Variants in IL1RAPL1 observed in about 807,000 individuals in gnomAD.
The protein encoded by IL1RAPL1 is interleukin 1 receptor accessory protein like 1.
Under a neutral mutation model 48.4 loss-of-function variants are expected in IL1RAPL1, and 3 were observed. The ratio of observed to expected loss-of-function variants is 0.06; its 90% CI spans 0.03 to 0.16. The LOEUF is 0.16. IL1RAPL1 is among the 10% of genes least tolerant of loss of function. The pLI is 1.00. For missense variants in IL1RAPL1, 349 were observed against 530.6 expected (o/e 0.66, Z 3.36); for synonymous variants, 185 against 187.7 (o/e 0.99, Z 0.12).
chrX:28,922,762 A>G (rs1382347495), intron 2 of IL1RAPL1, among the ~76,000 whole-genome samples: 6 of 111,953 alleles, frequency 5.4e-5, no homozygotes, highest in Admixed American at 9.5e-5. Flanking sequence ...CAAAATTGAC[A>G]TTATCTACTA....
chrX:28,715,569 TA>T lies in IL1RAPL1; in HGVS notation c.-24-73750del, dbSNP rs1259221657. Among the ~76,000 whole-genome samples, 27 of 111,472 alleles carry T rather than the reference TA, an allele frequency of 2.4e-4. 1 individual carries two copies. The highest frequency in any genetic ancestry group is 1.8e-3 in the Admixed American group (19 of 10,457). On this transcript the variant is annotated intron_variant, in intron 1 of 10. Transcript: ENST00000378993. ...TACAAATACCTCTATGAACATAAAC[TA>T]GAAAATCTAGAAGAAAGGGATAAAT...
intron 6 of IL1RAPL1, among the ~76,000 whole-genome samples, chrX:29,792,368 A>T (rs1276397328): frequency 2.7e-5 from 3 of 111,821 alleles, no homozygotes; most frequent in African/African-American, 9.8e-5. Context: ...TTTAAATTAA[A>T]CAACAGAAAT....
intron 2 of IL1RAPL1, among the ~76,000 whole-genome samples, chrX:29,021,596 G>T (rs184705848): frequency 5.5e-4 from 62 of 111,992 alleles, no homozygotes; most frequent in Non-Finnish European, 1.0e-3. Context: ...ATTTCTACTA[G>T]AATTTTTGTC....
chrX:29,745,534 C>T (rs1259944280), intron 6 of IL1RAPL1, among the ~76,000 whole-genome samples: 1 of 101,060 alleles, frequency 9.9e-6, no homozygotes, highest in Non-Finnish European at 2.0e-5. Context: ...GCAACCTCCA[C>T]CTCCTGGGTT....
chrX:29,191,056 A>G (rs192180548), intron 2 of IL1RAPL1, among the ~76,000 whole-genome samples: 1 of 111,614 alleles, frequency 9.0e-6, no homozygotes, highest in Admixed American at 9.6e-5. Flanking sequence ...AATAGATTGT[A>G]TATAGTTAAG....
intron 5 of IL1RAPL1, among the ~76,000 whole-genome samples, chrX:29,617,384 AAGTG>A (rs10591051): frequency 0.075 from 8,441 of 112,163 alleles, 277 homozygotes; most frequent in Middle Eastern, 0.18. Context: ...GAGGAAACAT[AAGTG>A]AGTAACTTCA....
intron 1 of IL1RAPL1, among the ~76,000 whole-genome samples, chrX:28,696,772 T>C (rs1242196118): frequency 9.0e-6 from 1 of 111,496 alleles, no homozygotes; most frequent in Non-Finnish European, 1.9e-5. Flanking sequence ...CAGACATAGC[T>C]CTGTTTTCTT....
intron 2 of IL1RAPL1, among the ~76,000 whole-genome samples, chrX:29,065,066 A>G (rs1404740774): frequency 9.0e-6 from 1 of 111,639 alleles, no homozygotes; most frequent in Non-Finnish European, 1.9e-5. Context: ...TATGTAATAC[A>G]TAAGTTATAG....
intron 1 of IL1RAPL1, among the ~76,000 whole-genome samples, chrX:28,715,825 A>G (rs1935497744): frequency 8.9e-6 from 1 of 111,824 alleles, no homozygotes. Context: ...TCCCTAACTC[A>G]TTCTATGAGA....
intron 1 of IL1RAPL1, among the ~76,000 whole-genome samples, chrX:28,746,006 C>G (rs181271148): frequency 4.2e-4 from 47 of 111,233 alleles, no homozygotes; most frequent in Non-Finnish European, 9.4e-5. Flanking sequence ...ATTATCAAAG[C>G]TTATAAAATC....
intron 2 of IL1RAPL1, among the ~76,000 whole-genome samples, chrX:28,816,312 G>T (rs938519340): frequency 9.1e-6 from 1 of 109,846 alleles, no homozygotes; most frequent in Non-Finnish European, 1.9e-5. Flanking sequence ...ATTGTATGAT[G>T]CTAAGGTGTG....
chrX:28,656,894 C>T (rs1483842544), intron 1 of IL1RAPL1, among the ~76,000 whole-genome samples: 2 of 108,836 alleles, frequency 1.8e-5, no homozygotes, highest in African/African-American at 3.4e-5. Context: ...GGCGTGGTGG[C>T]GGGCGCCTGT....
At chrX:29,194,045 A>C (rs1382833189) in intron 2 of IL1RAPL1, among the ~76,000 whole-genome samples, 1 of 111,954 alleles carries the variant, frequency 8.9e-6, no homozygotes, top group African/African-American at 3.2e-5. Context: ...TGTTTTTCAC[A>C]GTAAGGTTGC....
chrX:29,454,089 AT>A (rs1331868433), intron 5 of IL1RAPL1, among the ~76,000 whole-genome samples: 1 of 112,240 alleles, frequency 8.9e-6, no homozygotes, highest in Non-Finnish European at 1.9e-5. Flanking sequence ...TCAGCGCATT[AT>A]TTAATGGTCC....
At chrX:29,533,966 A>C (rs1014353289) in intron 5 of IL1RAPL1, among the ~76,000 whole-genome samples, 1 of 111,310 alleles carries the variant, frequency 9.0e-6, no homozygotes. Context: ...CACCCTCATA[A>C]ATAGATTAAG....
chrX:29,083,670 A>G (rs1234730664), intron 2 of IL1RAPL1, among the ~76,000 whole-genome samples: 2 of 111,901 alleles, frequency 1.8e-5, no homozygotes, highest in Admixed American at 9.5e-5. Flanking sequence ...TCTATGAGAC[A>G]ATAGATTTGA....
chrX:29,812,188 G>C (rs1312753558), intron 6 of IL1RAPL1, among the ~76,000 whole-genome samples: 1 of 112,276 alleles, frequency 8.9e-6, no homozygotes, highest in African/African-American at 3.2e-5. Flanking sequence ...AAAACTTTTA[G>C]TTGTTTACAC....
intron 1 of IL1RAPL1, among the ~76,000 whole-genome samples, chrX:28,616,566 G>A (rs1039316987): frequency 5.5e-5 from 6 of 109,720 alleles, no homozygotes; most frequent in African/African-American, 2.0e-4. Context: ...CCCAAGTAGC[G>A]GGGACTACAG....
At chrX:28,942,621 C>T (rs1924191085) in intron 2 of IL1RAPL1, 1 of 98,236 alleles carries the variant, frequency 1.0e-5, no homozygotes, top group East Asian at 3.1e-4. Context: ...GGAACTTGGC[C>T]ACATATAGGA....
Sources: allele counts gnomAD v4.1 joint callset (sites outside exome capture counted in the v4.1 genomes callset), GRCh38; gene constraint gnomAD v4.1.1; transcripts MANE v1.5; gene names NCBI Gene and HGNC (gene_info 2026-07-23, HGNC 2026-07-21).